The following KCNH8 variants were observed in gnomAD, a reference collection of about 807,000 sequenced individuals.
The protein encoded by KCNH8 is potassium voltage-gated channel subfamily H member 8, also known as voltage-gated delayed rectifier potassium channel KCNH8.
In KCNH8, 70 loss-of-function variants were observed where a neutral mutation model predicts 103.6. That is an observed-to-expected ratio of 0.68 (90% CI 0.56 to 0.82). KCNH8 has a LOEUF of 0.82. Ranked by LOEUF, KCNH8 falls within the 40% of genes least tolerant of loss-of-function variation. KCNH8 has a pLI of 0.00. For synonymous variants in KCNH8, 498 were observed against 489.4 expected, an observed-to-expected ratio of 1.02 and a Z score of -0.23; for missense variants, 1,217 against 1,329.9, an observed-to-expected ratio of 0.92 and a Z score of 1.32.
chr3:19,285,789 C>T (rs1241857128), intron 3 of KCNH8, among the ~76,000 whole-genome samples: 3 of 152,002 alleles, frequency 2.0e-5, no homozygotes, highest in Non-Finnish European at 4.4e-5. Context: ...CCTCACTTGC[C>T]CTCGGCAAAG....
chr3:19,231,272 A>T (rs2063991783), intron 1 of KCNH8, among the ~76,000 whole-genome samples: 1 of 152,114 alleles, frequency 6.6e-6, no homozygotes, highest in East Asian at 1.9e-4. Flanking sequence ...TTATTTATGC[A>T]TGTTCCCCAC....
intron 2 of KCNH8, among the ~76,000 whole-genome samples, chr3:19,258,592 C>A (rs527711399): frequency 6.6e-6 from 1 of 151,972 alleles, no homozygotes; most frequent in East Asian, 1.9e-4. Flanking sequence ...ATGCAGAGTG[C>A]TTTTTGAAAG....
chr3:19,444,130 T>G (rs1191627570), intron 8 of KCNH8, among the ~76,000 whole-genome samples: 2 of 152,064 alleles, frequency 1.3e-5, no homozygotes, highest in Non-Finnish European at 2.9e-5. Context: ...GCTACAGATA[T>G]CAAAATGTAT....
intron 1 of KCNH8, among the ~76,000 whole-genome samples, chr3:19,169,460 A>T (rs530800694): frequency 1.4e-4 from 21 of 151,916 alleles, no homozygotes; most frequent in Non-Finnish European, 2.2e-4. Flanking sequence ...TTTAGCCAGG[A>T]TGGTCTTGAA....
intron 5 of KCNH8, among the ~76,000 whole-genome samples, chr3:19,350,857 C>A (rs146141168): frequency 6.6e-6 from 1 of 152,040 alleles, no homozygotes; most frequent in East Asian, 1.9e-4. Flanking sequence ...TTGCCAGCAA[C>A]GGAACAAAGC....
chr3:19,353,715 G>A (rs941838313), intron 5 of KCNH8, among the ~76,000 whole-genome samples: 1 of 152,088 alleles, frequency 6.6e-6, no homozygotes, highest in African/African-American at 2.4e-5. Flanking sequence ...AATAAACTAG[G>A]TATTGATGGG....
chr3:19,397,596 T>TAAC (rs2066543207), intron 7 of KCNH8, among the ~76,000 whole-genome samples: 1 of 151,302 alleles, frequency 6.6e-6, no homozygotes, highest in African/African-American at 2.4e-5. Context: ...TGGGTCAGTG[T>TAAC]CCACATAAAC....
At chr3:19,399,387 T>C (rs1466157796) in intron 7 of KCNH8, among the ~76,000 whole-genome samples, 2 of 151,988 alleles carry the variant, frequency 1.3e-5, no homozygotes, top group South Asian at 2.1e-4. Flanking sequence ...TTTTAGCTAC[T>C]ATCACTTCTA....
At chr3:19,390,367 G>A (rs758906970) in intron 5 of KCNH8, 114 bp from the exon 6 acceptor site, 84 of 760,638 alleles carry the variant, frequency 1.1e-4, no homozygotes, top group Non-Finnish European at 1.6e-4. Flanking sequence ...CTTCCTTCCT[G>A]CTTGTTTGCC....
At chr3:19,209,749 G>A (rs1167672579) in intron 1 of KCNH8, among the ~76,000 whole-genome samples, 2 of 152,036 alleles carry the variant, frequency 1.3e-5, no homozygotes, top group Non-Finnish European at 2.9e-5. Context: ...AAACTTAACA[G>A]GGAGGCACTG....
At chr3:19,265,237 G>A (rs1559449965) in intron 2 of KCNH8, among the ~76,000 whole-genome samples, 2 of 151,968 alleles carry the variant, frequency 1.3e-5, no homozygotes, top group Non-Finnish European at 2.9e-5. Flanking sequence ...ATCCTTATAG[G>A]TGTCTTATGA....
At chr3:19,510,298 C>A in intron 11 of KCNH8, 65 bp from the exon 12 acceptor site, 1 of 954,874 alleles carries the variant, frequency 1.0e-6, no homozygotes, top group Non-Finnish European at 1.7e-6. Context: ...CTGCCTGCTG[C>A]ATTTCACCCA....
intron 3 of KCNH8, among the ~76,000 whole-genome samples, chr3:19,319,097 T>C (rs1199127766): frequency 1.3e-5 from 2 of 152,112 alleles, no homozygotes; most frequent in African/African-American, 4.8e-5. Flanking sequence ...GTGAAGATTT[T>C]CTCCCACTGT....
At chr3:19,389,483 G>T (rs556869093) in intron 5 of KCNH8, among the ~76,000 whole-genome samples, 10 of 152,210 alleles carry the variant, frequency 6.6e-5, no homozygotes, top group African/African-American at 1.9e-4. Flanking sequence ...ATTCACACAA[G>T]AAACTACCAG....
intron 10 of KCNH8, among the ~76,000 whole-genome samples, chr3:19,455,132 G>C (rs2067511264): frequency 6.6e-6 from 1 of 152,094 alleles, no homozygotes; most frequent in East Asian, 1.9e-4. Context: ...CAACTTTCTT[G>C]TCCAGTCAAG....
At chr3:19,277,269 A>C (rs962002970) in intron 2 of KCNH8, among the ~76,000 whole-genome samples, 10 of 152,170 alleles carry the variant, frequency 6.6e-5, no homozygotes, top group Admixed American at 5.9e-4. Flanking sequence ...ATATTTAAAA[A>C]TGGTAAAGAT....
intron 11 of KCNH8, among the ~76,000 whole-genome samples, chr3:19,501,795 T>C (rs2068589202): frequency 6.6e-6 from 1 of 152,078 alleles, no homozygotes; most frequent in South Asian, 2.1e-4. Flanking sequence ...AAGAGCTATC[T>C]ATGACAAACC....
intron 1 of KCNH8, among the ~76,000 whole-genome samples, chr3:19,212,997 CA>C (rs1182635583): frequency 7.2e-5 from 11 of 152,096 alleles, no homozygotes; most frequent in Non-Finnish European, 1.6e-4. Context: ...AGCCACAGAG[CA>C]AGTTTAGGGC....
chr3:19,463,815 G>A (rs1223578596), intron 11 of KCNH8, among the ~76,000 whole-genome samples: 1 of 152,050 alleles, frequency 6.6e-6, no homozygotes, highest in Non-Finnish European at 1.5e-5. Flanking sequence ...GCTTATTGTG[G>A]ACAAGAGTTA....
Sources: allele counts gnomAD v4.1 joint callset (sites outside exome capture counted in the v4.1 genomes callset), GRCh38; gene constraint gnomAD v4.1.1; transcripts MANE v1.5; gene names NCBI Gene and HGNC (gene_info 2026-07-23, HGNC 2026-07-21).